Variants in USP9X observed in about 807,000 individuals in gnomAD.
The protein encoded by USP9X is ubiquitin carboxyl-terminal hydrolase 9X.
Under a neutral mutation model 190.3 loss-of-function variants are expected in USP9X, and 7 were observed. The observed-to-expected ratio is 0.04, with a 90% CI of 0.02 to 0.07. The LOEUF (loss-of-function observed/expected upper bound fraction) is 0.07. Ranked by LOEUF, USP9X falls within the 10% of genes least tolerant of loss-of-function variation. The probability of loss-of-function intolerance (pLI) is 1.00; values close to 1 mark genes in which losing one functional copy is unlikely to be tolerated. For missense variants in USP9X, 1,010 were observed against 1,916.9 expected, an observed-to-expected ratio of 0.53 and a Z score of 8.83; for synonymous variants, 645 against 659.5, an observed-to-expected ratio of 0.98 and a Z score of 0.34.
intron 2 of USP9X, among the ~76,000 whole-genome samples, chrX:41,127,512 A>G (rs1003342090): frequency 4.5e-5 from 5 of 112,040 alleles, no homozygotes; most frequent in Non-Finnish European, 9.4e-5. Context: ...TCAGGGGGCA[A>G]GGAGTTAAAA....
At chrX:41,180,253 A>G (rs1417149215) in intron 21 of USP9X, among the ~76,000 whole-genome samples, 3 of 112,453 alleles carry the variant, frequency 2.7e-5, no homozygotes, top group Non-Finnish European at 5.6e-5. Flanking sequence ...ATCGTTTAGA[A>G]TTTACATAGT....
In USP9X at chrX:41,217,230, C is replaced by T. The variant is rs914640159; in HGVS notation, c.6096C>T (p.His2032=). The T allele has an allele frequency of 1.1e-5, 13 of 1,204,311 alleles. No individual in the cohort carries two copies. Among genetic ancestry groups the T allele is most frequent in the Non-Finnish European group, 1.5e-5 (13 of 892,690 alleles). The change falls in exon 36 of 45, where the codon CAC becomes CAT. Residue 2032 remains histidine (H), a synonymous_variant. Transcript: ENST00000378308. ...VYLNPPPGQD[H]LLPEAEEITM... ...GCATTTTATTTATAGGGCAAGATCA[C>T]CTGTTGCCTGAAGCAGAAGAAATCA...
At chrX:41,114,149 A>G (rs1255668581) in intron 1 of USP9X, among the ~76,000 whole-genome samples, 2 of 112,544 alleles carry the variant, frequency 1.8e-5, no homozygotes, top group South Asian at 3.6e-4. Context: ...ATGATCTCTC[A>G]TGTTCTCATG....
At position 41,133,820 on chromosome X, in the gene USP9X, A is replaced by T. The variant is rs183272988; in HGVS notation, c.323-905A>T. ...ATACTCCATTGTGTATATGTACCAC[A>T]TTTCCTTTATCCATTTATCAGTTAA... On this transcript the variant is annotated intron_variant, in intron 4 of 44. Coordinates refer to ENST00000378308, the MANE Select transcript of USP9X (RefSeq NM_001039591.3). 8.0e-5 allele frequency among the ~76,000 whole-genome samples: 9 copies of T among 112,368 alleles called. No individual in the cohort carries two copies. The East Asian group carries it at 2.5e-3, about 31-fold the overall frequency.
chrX:41,178,482 A>T (rs985892232), intron 21 of USP9X, among the ~76,000 whole-genome samples: 6 of 110,989 alleles, frequency 5.4e-5, no homozygotes, highest in Non-Finnish European at 1.9e-5. Flanking sequence ...ATGATTAGTT[A>T]TGTTGAGTGT....
chrX:41,172,628 A>G (rs2062736949), intron 21 of USP9X, among the ~76,000 whole-genome samples: 1 of 111,977 alleles, frequency 8.9e-6, no homozygotes, highest in East Asian at 2.8e-4. Context: ...TACGTTTCCA[A>G]GATTGTTTGA....
intron 21 of USP9X, among the ~76,000 whole-genome samples, chrX:41,183,099 C>T (rs904625893): frequency 1.8e-5 from 2 of 109,906 alleles, no homozygotes; most frequent in African/African-American, 3.3e-5. Flanking sequence ...CCACCACGCC[C>T]GGCTGGTTTT....
intron 29 of USP9X, 57 bp from the exon 30 acceptor site, chrX:41,198,468 CTTT>C (rs35107393): frequency 1.5e-5 from 13 of 860,688 alleles, no homozygotes; most frequent in Admixed American, 3.6e-5. Flanking sequence ...TACAAGAGAA[CTTT>C]TTTTTTCTAA....
At chrX:41,194,107 C>A (rs1015625516) in intron 26 of USP9X, among the ~76,000 whole-genome samples, 10 of 111,812 alleles carry the variant, frequency 8.9e-5, no homozygotes, top group African/African-American at 3.3e-4. Flanking sequence ...TACTTGGGTT[C>A]CCCCCAAATT....
chrX:41,167,289 G>T, intron 16 of USP9X, 193 bp from the exon 17 acceptor site: 1 of 303,737 alleles, frequency 3.3e-6, no homozygotes, highest in Non-Finnish European at 5.9e-6. Context: ...ATTATTCAGA[G>T]ACTTTCATTT....
At chrX:41,151,193 C>A in intron 13 of USP9X, 136 bp downstream of exon 13, 1 of 580,676 alleles carries the variant, frequency 1.7e-6, no homozygotes, top group Non-Finnish European at 2.5e-6. Flanking sequence ...GTGTTTGGAA[C>A]AAAAGAATTC....
At position 41,197,352 on chromosome X, in the gene USP9X, C is replaced by CCCCCCGGGCGGGG; in HGVS notation, c.4234-12_4234-11insCCCCCGGGCGGGG. On this transcript the variant is annotated splice_polypyrimidine_tract_variant and intron_variant, in intron 28 of 44. Coordinates refer to ENST00000378308, the MANE Select transcript of USP9X (RefSeq NM_001039591.3). ...TTCTTCCCCCCCCCACCCCACCCCC[C>CCCCCCGGGCGGGG]GCCTTTGGCAGGATGATGTTAAAAG... The CCCCCCGGGCGGGG allele has an allele frequency of 1.0e-6, 1 of 988,226 alleles. No individual in the cohort carries two copies. Among genetic ancestry groups the CCCCCCGGGCGGGG allele is most frequent in the Non-Finnish European group, 1.3e-6 (1 of 759,393 alleles). The allele number at this position is 988,226 out of a possible 1,213,427, so 81.4% of individuals were successfully genotyped here. A position where few individuals can be genotyped will look rare whatever the true frequency, so the allele number is the denominator to read the frequency against.
intron 32 of USP9X, among the ~76,000 whole-genome samples, chrX:41,208,708 TTTG>T (rs1204695581): frequency 3.6e-5 from 4 of 110,691 alleles, no homozygotes; most frequent in Non-Finnish European, 3.8e-5. Context: ...TGTTTGTTTG[TTTG>T]TTTTTTGTTT....
intron 41 of USP9X, among the ~76,000 whole-genome samples, chrX:41,227,179 A>T (rs754471125): frequency 1.8e-5 from 2 of 112,338 alleles, no homozygotes; most frequent in Admixed American, 9.5e-5. Context: ...TCAGTAAACA[A>T]TGTTCAAATA....
chrX:41,149,001 C>T (rs770291618), intron 12 of USP9X, among the ~76,000 whole-genome samples: 4 of 111,848 alleles, frequency 3.6e-5, no homozygotes, highest in Non-Finnish European at 7.5e-5. Context: ...ACACAGTTTC[C>T]CTACATTCTA....
Position 41,170,579 on chromosome X carries a change from A to G in USP9X, c.2987A>G (p.Asp996Gly). Residue 996 changes from aspartate (D) to glycine (G), a missense_variant, in exon 20 of 45, where the codon GAT becomes GGT. This residue lies in a region of USP9X where 351 missense variants were observed against 480.8 expected (regional missense o/e 0.73). Coordinates refer to ENST00000378308, the MANE Select transcript of USP9X (RefSeq NM_001039591.3). ...GGAAACCATGGTAATCATTACAGTG[A>G]TGGTCCCAATCCAGAAGTGGAAAGC... ...SPGNHGNHYS[D>G]GPNPEVESCL... 1.7e-6 allele frequency: 2 copies of G among 1,211,560 alleles called. No individual in the cohort carries two copies. The highest frequency in any genetic ancestry group is 2.2e-6 in the Non-Finnish European group (2 of 895,382).
At chrX:41,227,413 A>G (rs2063323314) in intron 41 of USP9X, among the ~76,000 whole-genome samples, 1 of 112,236 alleles carries the variant, frequency 8.9e-6, no homozygotes, top group African/African-American at 3.2e-5. Flanking sequence ...GGGCCTGAAC[A>G]TGGTTGATTT....
intron 36 of USP9X, among the ~76,000 whole-genome samples, chrX:41,217,850 A>G (rs1037746544): frequency 5.4e-5 from 6 of 111,927 alleles, no homozygotes; most frequent in Non-Finnish European, 1.1e-4. Context: ...TGACTGTGCC[A>G]CTGCACTCCA....
At chrX:41,154,588 C>A (rs1156397593) in intron 14 of USP9X, among the ~76,000 whole-genome samples, 1 of 111,955 alleles carries the variant, frequency 8.9e-6, no homozygotes, top group Non-Finnish European at 1.9e-5. Flanking sequence ...GTTACCGCCT[C>A]ATCTCAACTT....
Sources: allele counts gnomAD v4.1 joint callset (sites outside exome capture counted in the v4.1 genomes callset), GRCh38; gene constraint gnomAD v4.1.1; regional missense constraint gnomAD v4.1.1; transcripts MANE v1.5; gene names NCBI Gene and HGNC (gene_info 2026-07-23, HGNC 2026-07-21).